Variants in MBNL1 observed in about 807,000 individuals in gnomAD.
MBNL1 encodes muscleblind like splicing regulator 1.
A neutral mutation model predicts 42.2 loss-of-function variants in MBNL1; 8 were observed. The observed-to-expected ratio is 0.19, with a 90% CI of 0.11 to 0.34. The LOEUF (loss-of-function observed/expected upper bound fraction) is 0.34. Among genes scored for constraint, MBNL1 ranks in the 10% least tolerant of loss-of-function variants. The pLI is 1.00. For synonymous variants in MBNL1, 169 were observed against 173.9 expected, an observed-to-expected ratio of 0.97 and a Z score of 0.22; for missense variants, 309 against 495.3, an observed-to-expected ratio of 0.62 and a Z score of 3.57.
intron 2 of MBNL1, among the ~76,000 whole-genome samples, chr3:152,304,002 G>A (rs1379735765): frequency 1.3e-5 from 2 of 151,926 alleles, no homozygotes; most frequent in South Asian, 2.1e-4. Context: ...ATAGCACCCC[G>A]ATCAGATTTA....
chr3:152,283,262 T>A (rs1025161729), intron 1 of MBNL1, among the ~76,000 whole-genome samples: 1 of 152,208 alleles, frequency 6.6e-6, no homozygotes, highest in African/African-American at 2.4e-5. Context: ...TTCTGAAACC[T>A]AAGTGTTGCA....
intron 2 of MBNL1, among the ~76,000 whole-genome samples, chr3:152,375,024 G>C (rs754614322): frequency 6.6e-6 from 1 of 151,342 alleles, no homozygotes; most frequent in African/African-American, 2.4e-5. Context: ...CTTTTTTTTC[G>C]CGACAGACTC....
At chr3:152,296,724 G>A (rs1186937300) in intron 1 of MBNL1, among the ~76,000 whole-genome samples, 2 of 151,534 alleles carry the variant, frequency 1.3e-5, no homozygotes, top group Non-Finnish European at 2.9e-5. Flanking sequence ...GTTTCAGTGT[G>A]TTCATGTGTT....
chr3:152,271,454 C>T (rs1276126142), intron 1 of MBNL1, among the ~76,000 whole-genome samples: 1 of 152,130 alleles, frequency 6.6e-6, no homozygotes, highest in Non-Finnish European at 1.5e-5. Context: ...GTCACTGTTG[C>T]CATACATTAG....
At chr3:152,272,785 A>C (rs2042655235) in intron 1 of MBNL1, among the ~76,000 whole-genome samples, 1 of 152,192 alleles carries the variant, frequency 6.6e-6, no homozygotes, top group Admixed American at 6.5e-5. Context: ...CATTCTTGAG[A>C]AGGCATCTGA....
chr3:152,337,146 A>C (rs2090795842), intron 2 of MBNL1, among the ~76,000 whole-genome samples: 1 of 152,116 alleles, frequency 6.6e-6, no homozygotes. Flanking sequence ...ACTCTTTTGT[A>C]GCTGTTTAAT....
chr3:152,370,804 A>G (rs998977980), intron 2 of MBNL1, among the ~76,000 whole-genome samples: 3 of 150,144 alleles, frequency 2.0e-5, no homozygotes, highest in Non-Finnish European at 4.4e-5. Flanking sequence ...GTTTTATCAG[A>G]GGCTAGGATT....
intron 1 of MBNL1, among the ~76,000 whole-genome samples, chr3:152,275,181 A>G (rs554995355): frequency 3.3e-5 from 5 of 152,288 alleles, no homozygotes; most frequent in Non-Finnish European, 7.4e-5. Flanking sequence ...GAAAGAAAGC[A>G]GGAGGGTGGT....
chr3:152,287,095 G>C (rs888899534), intron 1 of MBNL1, among the ~76,000 whole-genome samples: 1 of 151,932 alleles, frequency 6.6e-6, no homozygotes, highest in Non-Finnish European at 1.5e-5. Context: ...GTGGGTGCCT[G>C]TAGTCCCAGC....
chr3:152,277,748 T>C (rs1205848100), intron 1 of MBNL1, among the ~76,000 whole-genome samples: 1 of 152,094 alleles, frequency 6.6e-6, no homozygotes, highest in African/African-American at 2.4e-5. Context: ...TGTCAGAACA[T>C]TGATAGATTA....
rs146151228 is a variant in MBNL1, at chr3:152,374,414, G to C, written c.175-40527G>C. On this transcript the variant is annotated intron_variant, in intron 2 of 9. Coordinates refer to ENST00000324210, the MANE Select transcript of MBNL1 (RefSeq NM_021038.5). Reference sequence around the variant, plus strand: ...ATGTATTACTACTTTCTGTAATCAGGGTCAGCCACCAGTGTCTCCCAGGAG... The same window carrying C: ...ATGTATTACTACTTTCTGTAATCAGCGTCAGCCACCAGTGTCTCCCAGGAG... 1.4e-3 allele frequency among the ~76,000 whole-genome samples: 219 copies of C among 152,134 alleles called. 1 individual carries two copies. The highest frequency in any genetic ancestry group is 2.2e-3 in the Non-Finnish European group (151 of 68,006).
At chr3:152,416,194 A>G (rs1447238135) in intron 3 of MBNL1, among the ~76,000 whole-genome samples, 1 of 152,146 alleles carries the variant, frequency 6.6e-6, no homozygotes, top group Non-Finnish European at 1.5e-5. Flanking sequence ...TTCAAAAAAG[A>G]GTGGGGGATT....
intron 2 of MBNL1, among the ~76,000 whole-genome samples, chr3:152,304,731 C>G (rs1260134915): frequency 2.6e-5 from 4 of 152,160 alleles, no homozygotes; most frequent in Non-Finnish European, 5.9e-5. Context: ...AACTTCACAA[C>G]TTTGTAAAGA....
intron 2 of MBNL1, among the ~76,000 whole-genome samples, chr3:152,409,159 G>GTA (rs1280718886): frequency 6.6e-6 from 1 of 152,054 alleles, no homozygotes; most frequent in East Asian, 1.9e-4. Flanking sequence ...TAACCCTGAA[G>GTA]TATATATGTG....
intron 2 of MBNL1, among the ~76,000 whole-genome samples, chr3:152,343,468 T>C (rs897186793): frequency 2.6e-5 from 4 of 152,170 alleles, no homozygotes; most frequent in African/African-American, 9.7e-5. Context: ...TCATAATATT[T>C]ATTTGCAACT....
intron 2 of MBNL1, among the ~76,000 whole-genome samples, chr3:152,254,995 A>G (rs1236794751): frequency 3.9e-5 from 6 of 152,126 alleles, no homozygotes; most frequent in Admixed American, 3.9e-4. Flanking sequence ...GGCCTATACC[A>G]CTTAATTTCT....
intron 1 of MBNL1, 25 bp downstream of exon 1, chr3:152,269,117 C>G (rs1156903217): frequency 2.2e-6 from 1 of 449,828 alleles, no homozygotes; most frequent in Non-Finnish European, 4.5e-6. Context: ...TCACAGTTTC[C>G]CCGCGCCGCT....
chr3:152,291,021 C>T (rs1202308080), intron 1 of MBNL1, among the ~76,000 whole-genome samples: 1 of 152,144 alleles, frequency 6.6e-6, no homozygotes, highest in Non-Finnish European at 1.5e-5. Flanking sequence ...TCCCTATTTA[C>T]TATTTTGAAA....
chr3:152,286,985 C>T (rs1022419118), intron 1 of MBNL1, among the ~76,000 whole-genome samples: 4 of 151,880 alleles, frequency 2.6e-5, no homozygotes, highest in African/African-American at 4.8e-5. Context: ...TTTGGGAGGC[C>T]GAGGCGGGTG....
Sources: gnomAD v4.1 joint callset for allele counts (sites outside exome capture counted in the v4.1 genomes callset) on GRCh38, gnomAD v4.1.1 for gene constraint, MANE v1.5 for transcripts, NCBI Gene and HGNC (gene_info 2026-07-23, HGNC 2026-07-21) for gene names.